Variants in PSD2 observed in about 807,000 individuals in gnomAD.
PSD2 encodes the protein pleckstrin and Sec7 domain containing 2, also known as PH and SEC7 domain-containing protein 2.
Under a neutral mutation model 69.8 loss-of-function variants are expected in PSD2, and 38 were observed. The observed-to-expected ratio is 0.54, with a 90% confidence interval of 0.42 to 0.71. PSD2 has a LOEUF of 0.71. Ranked by LOEUF, PSD2 falls within the 30% of genes least tolerant of loss-of-function variation. PSD2 has a pLI of 0.00. For missense variants in PSD2, 943 were observed against 1,014.5 expected (o/e 0.93, Z 0.96); for synonymous variants, 412 against 423.0 (o/e 0.97, Z 0.32).
At chr5:139,785,700 T>C in the PSD2 span, among the ~76,000 whole-genome samples, 1 of 152,218 alleles carries the variant, frequency 6.6e-6, no homozygotes, top group Admixed American at 6.5e-5. Context: ...TCACCTAGAA[T>C]AGTGCTTGGT....
intron 1 of PSD2, among the ~76,000 whole-genome samples, chr5:139,806,757 T>G (rs1235814239): frequency 2.6e-5 from 4 of 152,192 alleles, no homozygotes; most frequent in African/African-American, 7.2e-5. Flanking sequence ...ACCTCTACCC[T>G]AAAGCCTCCC....
intron 7 of PSD2, among the ~76,000 whole-genome samples, chr5:139,828,041 A>G (rs995196717): frequency 1.3e-5 from 2 of 152,090 alleles, no homozygotes; most frequent in African/African-American, 2.4e-5. Context: ...GATGATGCCA[A>G]TGCTGGTGAT....
At chr5:139,781,716 C>T in the PSD2 span, among the ~76,000 whole-genome samples, 26 of 151,890 alleles carry the variant, frequency 1.7e-4, no homozygotes, top group Non-Finnish European at 3.1e-4. Context: ...TCACTGCAAC[C>T]TCCGCCTCCT....
chr5:139,808,465 G>GGGGCTGGCCTGGGCAGGCCAGTGAGGA (rs1410145189), intron 1 of PSD2, among the ~76,000 whole-genome samples: 1 of 152,178 alleles, frequency 6.6e-6, no homozygotes. Context: ...AGAGGGGAGT[G>GGGGCTGGCCTGGGCAGGCCAGTGAGGA]GGGCTGGCCT....
At chr5:139,824,156 C>T (rs1047863994) in intron 7 of PSD2, among the ~76,000 whole-genome samples, 5 of 152,192 alleles carry the variant, frequency 3.3e-5, no homozygotes. Context: ...GCCCCTCACT[C>T]CCTGTCCCCA....
the PSD2 span, among the ~76,000 whole-genome samples, chr5:139,749,214 C>T: frequency 1.3e-5 from 2 of 152,228 alleles, no homozygotes; most frequent in African/African-American, 4.8e-5. Flanking sequence ...ACCACTCTGG[C>T]TGGCTTCACT....
At chr5:139,743,306 T>G in the PSD2 span, among the ~76,000 whole-genome samples, 1 of 152,198 alleles carries the variant, frequency 6.6e-6, no homozygotes, top group Non-Finnish European at 1.5e-5. Context: ...TGGTACCCAC[T>G]CCTACCAACG....
At chr5:139,796,139 G>A (rs911151876) in intron 1 of PSD2, among the ~76,000 whole-genome samples, 164 bp downstream of exon 1, 13 of 152,154 alleles carry the variant, frequency 8.5e-5, no homozygotes, top group Admixed American at 1.3e-4. Context: ...TCAATTCCGC[G>A]GCGTCTGGAG....
chr5:139,789,735 C>T, the PSD2 span, among the ~76,000 whole-genome samples: 1 of 152,170 alleles, frequency 6.6e-6, no homozygotes, highest in Admixed American at 6.5e-5. Context: ...AATTCTTACC[C>T]TCATGGAGCC....
At position 139,824,394 on chromosome 5, in the gene PSD2, G is replaced by GTTTT. The variant is rs3055525; in HGVS notation, c.1269+1627_1269+1630dup. On this transcript the variant is annotated intron_variant, in intron 7 of 14. Coordinates refer to ENST00000274710, the MANE Select transcript of PSD2 (RefSeq NM_032289.4). ...ACACTGAGGCTTTCGTCTCTCTCTT[G>GTTTT]TTTTTTTTTTTTTTTTTTTTGAGAC... 8.3e-4 allele frequency among the ~76,000 whole-genome samples: 99 copies of GTTTT among 119,402 alleles called. 1 individual carries two copies. Among genetic ancestry groups the GTTTT allele is most frequent in the African/African-American group, 1.1e-3 (31 of 29,428 alleles). 78.3% of individuals were successfully genotyped at this position (119,402 alleles called of 152,430 possible).
At chr5:139,810,986 C>G (rs1294525939) in intron 2 of PSD2, among the ~76,000 whole-genome samples, 1 of 152,144 alleles carries the variant, frequency 6.6e-6, no homozygotes, top group African/African-American at 2.4e-5. Context: ...ATTGGTGGCT[C>G]TGACCCTGGG....
chr5:139,839,451 C>CA lies in PSD2; in HGVS notation c.1969-575dup, dbSNP rs1388896286. Among the ~76,000 whole-genome samples, 4 of 152,388 alleles carry CA rather than the reference C, an allele frequency of 2.6e-5. No homozygotes were observed. The highest frequency in any genetic ancestry group is 2.6e-4 in the Admixed American group (4 of 15,310). On this transcript the variant is annotated intron_variant, in intron 13 of 14. Coordinates refer to ENST00000274710, the MANE Select transcript of PSD2 (RefSeq NM_032289.4). This position sits in a 1 kb window ranked among gnomAD's most constrained non-coding sequence, Gnocchi z 5.1. ...GTAAACACACAGGTGGTGACTCATA[C>CA]ACACATGCATGCATGTGCACACAGC...
At chr5:139,764,680 G>C in the PSD2 span, among the ~76,000 whole-genome samples, 2 of 152,196 alleles carry the variant, frequency 1.3e-5, no homozygotes, top group African/African-American at 2.4e-5. Context: ...AGCAAGCTGG[G>C]CCAGGAGGCC....
the PSD2 span, among the ~76,000 whole-genome samples, chr5:139,766,944 T>C: frequency 9.2e-4 from 108 of 117,652 alleles, 2 homozygotes; most frequent in African/African-American, 3.0e-3. Context: ...TTTCTTTCTT[T>C]CTTTCTTTCT....
Position 139,842,388 on chromosome 5 carries a change from C to A in PSD2, c.2230C>A (p.Arg744=), listed in dbSNP as rs151005391. The A allele has an allele frequency of 3.1e-6, 5 of 1,614,042 alleles. No homozygotes were observed. Among genetic ancestry groups the A allele is most frequent in the Non-Finnish European group, 4.2e-6 (5 of 1,180,036 alleles). ...ATLEGDDPSL[R]KTHSSPALSQ... ...TCTGGAAGGGGATGACCCTTCTCTCCGGAAGACACATTCAAGCCCTGCCCT... is the reference window on the plus strand; with the variant it reads ...TCTGGAAGGGGATGACCCTTCTCTCAGGAAGACACATTCAAGCCCTGCCCT... The change falls in exon 15 of 15, where the codon CGG becomes AGG. Residue 744 remains arginine, a synonymous_variant. Transcript: ENST00000274710.
rs144347026 is a variant in PSD2, at chr5:139,809,676, A to G, written c.236A>G (p.Asn79Ser). Residue 79 changes from asparagine to serine, a missense_variant, in exon 2 of 15, where the codon AAT becomes AGT. Physicochemically the swap from Asn to Ser is conservative, Grantham distance 46. Coordinates refer to ENST00000274710, the MANE Select transcript of PSD2 (RefSeq NM_032289.4). ...HGLSLGLSLT[N>S]GLALGPDLNI... is the part of the protein sequence containing the mutation. ...CTCAGCCTTGGCCTCTCTCTCACCAATGGCCTAGCCCTGGGGCCAGACTTG... is the reference window on the plus strand; with the variant it reads ...CTCAGCCTTGGCCTCTCTCTCACCAGTGGCCTAGCCCTGGGGCCAGACTTG... 9.7e-5 allele frequency: 156 copies of G among 1,614,220 alleles called. 1 individual carries two copies. The East Asian group carries it at 3.3e-3, about 35-fold the overall frequency.
At chr5:139,809,159 C>T (rs746073502) in intron 1 of PSD2, among the ~76,000 whole-genome samples, 5 of 152,194 alleles carry the variant, frequency 3.3e-5, no homozygotes, top group African/African-American at 7.2e-5. Flanking sequence ...AGGGCAGGGA[C>T]TGGGGCATAG....
At chr5:139,813,204 A>T (rs1221482343) in intron 2 of PSD2, 105 bp from the exon 3 acceptor site, 4 of 831,464 alleles carry the variant, frequency 4.8e-6, no homozygotes, top group Admixed American at 2.4e-5. Flanking sequence ...AGGATGGGGG[A>T]GTGGTGTGCC....
the PSD2 span, among the ~76,000 whole-genome samples, chr5:139,769,228 T>C: frequency 2.0e-5 from 3 of 151,820 alleles, no homozygotes; most frequent in Admixed American, 1.3e-4. Context: ...GCACAGAGCC[T>C]AAGACCCAGG....
Sources: allele counts gnomAD v4.1 joint callset (sites outside exome capture counted in the v4.1 genomes callset), GRCh38; gene constraint gnomAD v4.1.1; non-coding constraint Gnocchi (gnomAD v3.1); transcripts MANE v1.5; gene names NCBI Gene and HGNC (gene_info 2026-07-23, HGNC 2026-07-21).